Variants in DCC observed in about 807,000 individuals in gnomAD.
DCC encodes the protein netrin receptor DCC.
In DCC, 58 loss-of-function variants were observed where a neutral mutation model predicts 172.5. The ratio of observed to expected loss-of-function variants is 0.34; its 90% CI spans 0.27 to 0.42. The LOEUF is 0.42. Among genes scored for constraint, DCC ranks in the 10% least tolerant of loss-of-function variants. The pLI is 1.00. For synonymous variants in DCC, 709 were observed against 644.5 expected (o/e 1.10, Z -1.52); for missense variants, 1,740 against 1,791.0 (o/e 0.97, Z 0.51).
chr18:52,980,838 A>G (rs72928185), intron 5 of DCC, among the ~76,000 whole-genome samples: 3,238 of 152,202 alleles, frequency 0.021, 61 homozygotes, highest in Admixed American at 0.039. Context: ...GAAAGAAAAG[A>G]ATAGGCCATA....
intron 8 of DCC, among the ~76,000 whole-genome samples, chr18:53,159,542 C>T (rs1042111399): frequency 7.9e-5 from 12 of 152,176 alleles, no homozygotes; most frequent in Non-Finnish European, 1.3e-4. Context: ...TGATCACTCA[C>T]TCCACTGCCC....
chr18:53,030,005 A>G (rs561263554), intron 5 of DCC, among the ~76,000 whole-genome samples: 2 of 152,316 alleles, frequency 1.3e-5, no homozygotes, highest in South Asian at 4.1e-4. Context: ...GTCTTCTCAG[A>G]GCAGAAGAGG....
chr18:53,071,373 C>T (rs1253615131), intron 7 of DCC, among the ~76,000 whole-genome samples: 1 of 152,064 alleles, frequency 6.6e-6, no homozygotes, highest in Non-Finnish European at 1.5e-5. Flanking sequence ...ACACGGTTTC[C>T]TCTAGATAAA....
At chr18:52,544,667 T>C (rs3910706) in intron 1 of DCC, among the ~76,000 whole-genome samples, 23,007 of 152,120 alleles carry the variant, frequency 0.15, 2,632 homozygotes, top group East Asian at 0.51. Context: ...TGTGGGACTT[T>C]AGCCACCTGT....
chr18:53,378,540 G>T (rs2144975077), intron 15 of DCC, among the ~76,000 whole-genome samples: 1 of 152,224 alleles, frequency 6.6e-6, no homozygotes, highest in East Asian at 1.9e-4. Flanking sequence ...TGCAGTTTAG[G>T]ATCAGGAAAT....
intron 7 of DCC, among the ~76,000 whole-genome samples, chr18:53,105,280 G>A (rs182536038): frequency 6.6e-6 from 1 of 152,074 alleles, no homozygotes; most frequent in East Asian, 2.0e-4. Flanking sequence ...TGGGATACCT[G>A]AATAATATTC....
chr18:52,408,920 G>C (rs974328082), intron 1 of DCC: 1 of 151,992 alleles, frequency 6.6e-6, no homozygotes, highest in Non-Finnish European at 1.5e-5. Flanking sequence ...GTTTTTATTA[G>C]GTTGAACTAC....
intron 13 of DCC, among the ~76,000 whole-genome samples, chr18:53,315,719 A>G (rs2057335352): frequency 6.6e-6 from 1 of 151,704 alleles, no homozygotes; most frequent in South Asian, 2.1e-4. Context: ...ACCAGTGATG[A>G]GCTTTTTTTT....
intron 1 of DCC, among the ~76,000 whole-genome samples, chr18:52,584,563 G>T (rs557993873): frequency 6.6e-6 from 1 of 152,062 alleles, no homozygotes; most frequent in Non-Finnish European, 1.5e-5. Context: ...TACCTCTGTC[G>T]ATGGACAACT....
At chr18:52,655,197 AGTT>A (rs2144933105) in intron 1 of DCC, among the ~76,000 whole-genome samples, 1 of 152,300 alleles carries the variant, frequency 6.6e-6, no homozygotes, top group South Asian at 2.1e-4. Flanking sequence ...ATTCAAGCAC[AGTT>A]GTTGTTGATG....
intron 1 of DCC, among the ~76,000 whole-genome samples, chr18:52,452,639 C>G (rs1311349721): frequency 6.6e-6 from 1 of 152,214 alleles, no homozygotes; most frequent in Non-Finnish European, 1.5e-5. Context: ...GCAATAAGTG[C>G]TCAGAACAGT....
chr18:52,718,907 G>A (rs1355518244), intron 1 of DCC, among the ~76,000 whole-genome samples: 3 of 152,146 alleles, frequency 2.0e-5, no homozygotes, highest in Non-Finnish European at 2.9e-5. Context: ...TTCACAAATT[G>A]GATGGCTTAA....
At chr18:52,790,918 G>A (rs1176122408) in intron 2 of DCC, among the ~76,000 whole-genome samples, 1 of 152,296 alleles carries the variant, frequency 6.6e-6, no homozygotes, top group East Asian at 1.9e-4. Flanking sequence ...ATTGGCCTAA[G>A]TCTCCCTTTA....
At chr18:53,097,517 T>C (rs1046871054) in intron 7 of DCC, among the ~76,000 whole-genome samples, 3 of 152,208 alleles carry the variant, frequency 2.0e-5, no homozygotes, top group Admixed American at 2.0e-4. Flanking sequence ...TAGATGAGTA[T>C]AGCAATAAAT....
intron 1 of DCC, among the ~76,000 whole-genome samples, chr18:52,493,645 T>C (rs2030614106): frequency 6.6e-6 from 1 of 152,078 alleles, no homozygotes; most frequent in Non-Finnish European, 1.5e-5. Flanking sequence ...TTTCATTTCA[T>C]ACCTTTTTAA....
intron 2 of DCC, among the ~76,000 whole-genome samples, chr18:52,875,537 C>T (rs2039390574): frequency 6.6e-6 from 1 of 152,108 alleles, no homozygotes; most frequent in Non-Finnish European, 1.5e-5. Flanking sequence ...CAAGTATCAT[C>T]CCCAACTGTT....
chr18:53,137,061 T>C (rs1403719784), intron 7 of DCC, among the ~76,000 whole-genome samples: 1 of 152,218 alleles, frequency 6.6e-6, no homozygotes, highest in East Asian at 1.9e-4. Context: ...CCTTTGAAAA[T>C]TTCTCATATT....
intron 1 of DCC, among the ~76,000 whole-genome samples, chr18:52,626,168 T>C (rs1250246866): frequency 6.6e-6 from 1 of 152,232 alleles, no homozygotes; most frequent in Non-Finnish European, 1.5e-5. Flanking sequence ...TATCTCTGCA[T>C]GGATGCCTAG....
intron 5 of DCC, among the ~76,000 whole-genome samples, chr18:53,010,545 C>T (rs1599025302): frequency 6.6e-6 from 1 of 151,278 alleles, no homozygotes; most frequent in South Asian, 2.1e-4. Context: ...TATTTGCATA[C>T]ATACTGTTTA....
Sources: allele counts gnomAD v4.1 joint callset (sites outside exome capture counted in the v4.1 genomes callset), GRCh38; gene constraint gnomAD v4.1.1; transcripts MANE v1.5; gene names NCBI Gene and HGNC (gene_info 2026-07-23, HGNC 2026-07-21).